DMD: variants seen among roughly 807,000 people sequenced by gnomAD.
DMD encodes mutant dystrophin.
A neutral mutation model predicts 330.1 loss-of-function variants in DMD; 63 were observed. The ratio of observed to expected loss-of-function variants is 0.19; its 90% CI spans 0.16 to 0.24. The LOEUF (loss-of-function observed/expected upper bound fraction) is 0.24, where lower values mean the gene tolerates loss of function less well. DMD is among the 10% of genes least tolerant of loss of function. DMD has a pLI of 1.00. For synonymous variants in DMD, 1,223 were observed against 959.8 expected (o/e 1.27, Z -5.07); for missense variants, 3,344 against 2,684.1 (o/e 1.25, Z -5.43).
At chrX:32,323,385 A>T (rs933351985) in intron 41 of DMD, among the ~76,000 whole-genome samples, 3 of 111,635 alleles carry the variant, frequency 2.7e-5, no homozygotes, top group African/African-American at 9.7e-5. Context: ...AAAAACAGTG[A>T]CAGGAAATAC....
intron 66 of DMD, among the ~76,000 whole-genome samples, chrX:31,206,365 G>A (rs948967660): frequency 8.9e-6 from 1 of 112,139 alleles, no homozygotes; most frequent in South Asian, 3.7e-4. Context: ...ATAATACCTG[G>A]ACTGGAAAAG....
At chrX:31,255,621 C>T (rs1327636443) in intron 63 of DMD, among the ~76,000 whole-genome samples, 2 of 110,968 alleles carry the variant, frequency 1.8e-5, no homozygotes, top group Non-Finnish European at 3.8e-5. Context: ...GGAATGATTA[C>T]ATTTTTAGAA....
intron 42 of DMD, among the ~76,000 whole-genome samples, chrX:32,299,713 C>T (rs180900841): frequency 1.8e-5 from 2 of 111,070 alleles, no homozygotes; most frequent in Admixed American, 1.9e-4. Flanking sequence ...GTTTCTCCAT[C>T]TGAGTATGGG....
intron 2 of DMD, among the ~76,000 whole-genome samples, chrX:32,952,521 G>A (rs2091312268): frequency 9.0e-6 from 1 of 110,905 alleles, no homozygotes; most frequent in Non-Finnish European, 1.9e-5. Context: ...TTTATAACAC[G>A]TCGATTCTAA....
chrX:31,227,064 C>T (rs1464559667), intron 63 of DMD, among the ~76,000 whole-genome samples: 2 of 111,267 alleles, frequency 1.8e-5, no homozygotes, highest in African/African-American at 6.5e-5. Context: ...TCCTCCTTCT[C>T]CACTGCCTCG....
intron 7 of DMD, among the ~76,000 whole-genome samples, chrX:32,796,738 CAATAAA>C (rs1375596861): frequency 9.0e-6 from 1 of 111,643 alleles, no homozygotes; most frequent in Non-Finnish European, 1.9e-5. Flanking sequence ...CGTTATGCAT[CAATAAA>C]AATAAAAGTT....
At chrX:33,330,453 T>C (rs1295262772) in intron 1 of DMD, among the ~76,000 whole-genome samples, 1 of 111,879 alleles carries the variant, frequency 8.9e-6, no homozygotes, top group African/African-American at 3.2e-5. Flanking sequence ...ACTTTATACA[T>C]GAGTGAAACA....
chrX:32,062,094 A>C (rs2096229852), intron 44 of DMD, among the ~76,000 whole-genome samples: 1 of 111,128 alleles, frequency 9.0e-6, no homozygotes, highest in Non-Finnish European at 1.9e-5. Flanking sequence ...GTGTACACAT[A>C]TTCAGGGTCA....
intron 7 of DMD, among the ~76,000 whole-genome samples, chrX:32,788,987 ATAAAT>A (rs1338307159): frequency 1.8e-5 from 2 of 111,900 alleles, no homozygotes; most frequent in East Asian, 5.6e-4. Flanking sequence ...AAAAGAAGAA[ATAAAT>A]TAAAGAACAA....
chrX:32,943,851 T>C (rs2090602474), intron 2 of DMD, among the ~76,000 whole-genome samples: 1 of 112,459 alleles, frequency 8.9e-6, no homozygotes, highest in Non-Finnish European at 1.9e-5. Context: ...CATTTTTTCA[T>C]ATACCTTTGG....
rs769098627 is a variant in DMD, at chrX:32,976,273, C to T, written c.93+43866G>A. On this transcript the variant is annotated intron_variant, in intron 2 of 78. Coordinates refer to ENST00000357033, the MANE Select transcript of DMD (RefSeq NM_004006.3). ...CAGTTCCTCTCAACTGGGCACACCA[C>T]CATACCCTGGGTACATTTAAGAAAC... Among the ~76,000 whole-genome samples, 10 of 110,350 alleles carry T rather than the reference C, an allele frequency of 9.1e-5. No individual in the cohort carries two copies. The Middle Eastern group carries it at 0.019, about 207-fold the overall frequency.
At chrX:31,424,191 C>T (rs1416692141) in intron 60 of DMD, among the ~76,000 whole-genome samples, 2 of 111,522 alleles carry the variant, frequency 1.8e-5, no homozygotes, top group East Asian at 2.8e-4. Flanking sequence ...AGGAAAATGC[C>T]GTCATTACAC....
At chrX:31,862,345 C>T (rs984879237) in intron 48 of DMD, among the ~76,000 whole-genome samples, 1 of 110,269 alleles carries the variant, frequency 9.1e-6, no homozygotes, top group Non-Finnish European at 1.9e-5. Context: ...CTTGGCCAGG[C>T]TGGTCTGGAA....
intron 61 of DMD, 85 bp downstream of exon 61, chrX:31,348,471 C>T: frequency 7.3e-6 from 6 of 816,851 alleles, no homozygotes; most frequent in Admixed American, 2.6e-5. Context: ...TATAATTCAA[C>T]TCTTAATTCT....
At chrX:31,764,844 T>A (rs6631384) in intron 51 of DMD, among the ~76,000 whole-genome samples, 9,719 of 111,355 alleles carry the variant, frequency 0.087, 402 homozygotes, top group South Asian at 0.19. Flanking sequence ...ATAGGAGATA[T>A]ATAATTCTTA....
intron 60 of DMD, among the ~76,000 whole-genome samples, chrX:31,438,875 C>A (rs778960576): frequency 9.0e-6 from 1 of 111,670 alleles, no homozygotes; most frequent in South Asian, 3.7e-4. Context: ...TACATAGATA[C>A]AGATAAAAGA....
At chrX:32,894,035 A>G (rs1423126800) in intron 2 of DMD, among the ~76,000 whole-genome samples, 1 of 111,546 alleles carries the variant, frequency 9.0e-6, no homozygotes, top group African/African-American at 3.3e-5. Flanking sequence ...CTGAAAGCCA[A>G]GCCTAGCAAC....
chrX:32,652,821 CCT>C (rs1256045705), intron 9 of DMD, among the ~76,000 whole-genome samples: 1 of 111,551 alleles, frequency 9.0e-6, no homozygotes, highest in Non-Finnish European at 1.9e-5. Context: ...CTCTCCAGCA[CCT>C]GTTGTTTCCT....
At chrX:31,601,152 C>T (rs762357422) in intron 55 of DMD, among the ~76,000 whole-genome samples, 226 of 111,854 alleles carry the variant, frequency 2.0e-3, no homozygotes, top group Middle Eastern at 4.7e-3. Context: ...AGTGCCATAC[C>T]GATGTTGATT....
Sources: gnomAD v4.1 joint callset for allele counts (sites outside exome capture counted in the v4.1 genomes callset) on GRCh38, gnomAD v4.1.1 for gene constraint, MANE v1.5 for transcripts, NCBI Gene and HGNC (gene_info 2026-07-23, HGNC 2026-07-21) for gene names.